WDR41: variants seen among roughly 807,000 people sequenced by gnomAD.
WDR41 encodes the protein WD repeat domain 41.
In WDR41, 63 loss-of-function variants were observed where a neutral mutation model predicts 69.3. The observed-to-expected ratio is 0.91, with a 90% confidence interval of 0.74 to 1.12. WDR41 has a LOEUF of 1.12. WDR41 is among the 50% of genes most tolerant of loss of function. The probability of loss-of-function intolerance (pLI) is 0.00; values close to 1 mark genes in which losing one functional copy is unlikely to be tolerated. For synonymous variants in WDR41, 185 were observed against 192.1 expected, an observed-to-expected ratio of 0.96 and a Z score of 0.31; for missense variants, 543 against 534.5, an observed-to-expected ratio of 1.02 and a Z score of -0.16.
intron 1 of WDR41, among the ~76,000 whole-genome samples, chr5:77,585,950 T>C (rs776379996): frequency 6.6e-6 from 1 of 152,172 alleles, no homozygotes; most frequent in Non-Finnish European, 1.5e-5. Context: ...ATACCACCTG[T>C]ACCCCAATAA....
At chr5:77,510,464 G>T (rs1802180783) in intron 1 of WDR41, among the ~76,000 whole-genome samples, 1 of 152,122 alleles carries the variant, frequency 6.6e-6, no homozygotes, top group Non-Finnish European at 1.5e-5. Flanking sequence ...AACCAATTAG[G>T]AAATGAGTGC....
At chr5:77,493,125 G>A (rs192852383), upstream of WDR41, among the ~76,000 whole-genome samples, 9 of 152,232 alleles carry the variant, frequency 5.9e-5, no homozygotes, top group Non-Finnish European at 1.0e-4. Flanking sequence ...TTCCACCTCA[G>A]ACTCATTAAA....
intron 1 of WDR41, among the ~76,000 whole-genome samples, chr5:77,602,525 G>C (rs552940967): frequency 2.0e-5 from 3 of 152,102 alleles, no homozygotes; most frequent in South Asian, 4.2e-4. Flanking sequence ...TCAGTACCTG[G>C]CTTATTTCAC....
In WDR41 at chr5:77,545,700, G is replaced by A. The variant is rs944028427; in HGVS notation, c.43-56128C>T. On this transcript the variant is annotated intron_variant, in intron 1 of 5. Transcript: ENST00000509971. ...TCAAGGATGAGGTTTTAAAGGTTAC[G>A]CCAGTGCAGAAGCAGACCCACGCTG... 68 of 490,628 alleles carry A rather than the reference G, an allele frequency of 1.4e-4. No homozygotes were observed. In the Admixed American group the frequency reaches 1.5e-3, roughly 11 times the overall value. The allele number at this position is 490,628 out of a possible 1,614,324, so 30.4% of individuals were successfully genotyped here.
At chr5:77,468,154 C>A (rs1165013258) in intron 2 of WDR41, among the ~76,000 whole-genome samples, 1 of 152,060 alleles carries the variant, frequency 6.6e-6, no homozygotes, top group Non-Finnish European at 1.5e-5. Context: ...TATGGCAGAC[C>A]TCCTAGAATG....
chr5:77,507,034 A>G (rs1166132856), intron 1 of WDR41, among the ~76,000 whole-genome samples: 1 of 152,198 alleles, frequency 6.6e-6, no homozygotes. Context: ...TTAAAGTATA[A>G]TTTTAAAAAA....
At position 77,432,794 on chromosome 5, in the gene WDR41, TA is replaced by T. The variant is rs1798775285; in HGVS notation, c.*340del. The T allele has an allele frequency of 5.8e-6, 1 of 172,362 alleles. No homozygotes were observed. The highest frequency in any genetic ancestry group is 1.6e-4 in the East Asian group (1 of 6,262). 10.7% of individuals were successfully genotyped at this position (172,362 alleles called of 1,614,324 possible). On this transcript the variant is annotated 3_prime_UTR_variant, in exon 13 of 13. Transcript: ENST00000296679. Reference sequence around the variant, plus strand: ...CACAATAATTCTAAAGGAAGCCAAATAATAAAACTTCTAATAAATGCCATAA... The same window carrying T: ...CACAATAATTCTAAAGGAAGCCAAATATAAAACTTCTAATAAATGCCATAA...
chr5:77,443,525 G>T (rs1047649436), intron 8 of WDR41, among the ~76,000 whole-genome samples: 2 of 152,110 alleles, frequency 1.3e-5, no homozygotes, highest in Non-Finnish European at 2.9e-5. Flanking sequence ...AACTTGCTCT[G>T]TGGAGAAATC....
intron 2 of WDR41, among the ~76,000 whole-genome samples, chr5:77,471,863 G>A (rs1243503021): frequency 6.6e-6 from 1 of 152,160 alleles, no homozygotes; most frequent in Admixed American, 6.5e-5. Context: ...GGAGAAGCTG[G>A]TACCATTCCT....
intron 2 of WDR41, among the ~76,000 whole-genome samples, chr5:77,474,465 A>G (rs1800794283): frequency 6.6e-6 from 1 of 152,196 alleles, no homozygotes; most frequent in African/African-American, 2.4e-5. Flanking sequence ...TTTCATTTAA[A>G]GTATATGTTT....
At chr5:77,590,753 C>T (rs951730329) in intron 1 of WDR41, among the ~76,000 whole-genome samples, 5 of 152,144 alleles carry the variant, frequency 3.3e-5, no homozygotes, top group South Asian at 2.1e-4. Flanking sequence ...TGACAGATGT[C>T]GTGGCAACAA....
chr5:77,600,315 A>G (rs1270166388), intron 1 of WDR41, among the ~76,000 whole-genome samples: 1 of 152,190 alleles, frequency 6.6e-6, no homozygotes, highest in East Asian at 1.9e-4. Flanking sequence ...GAATCTTAAA[A>G]CCTTCATGCT....
At chr5:77,549,000 G>A (rs1210724596) in intron 1 of WDR41, among the ~76,000 whole-genome samples, 1 of 152,120 alleles carries the variant, frequency 6.6e-6, no homozygotes, top group Non-Finnish European at 1.5e-5. Flanking sequence ...GGATGAGATT[G>A]GAGACTATTA....
At chr5:77,570,343 T>G (rs1743713060) in intron 1 of WDR41, among the ~76,000 whole-genome samples, 1 of 151,672 alleles carries the variant, frequency 6.6e-6, no homozygotes, top group Non-Finnish European at 1.5e-5. Flanking sequence ...AAATTATCAT[T>G]ATCATCTAAT....
Position 77,492,255 on chromosome 5 carries a change from C to T in WDR41, c.-35G>A, listed in dbSNP as rs761038348. 4.3e-6 allele frequency: 7 copies of T among 1,610,600 alleles called. No individual in the cohort carries two copies. The highest frequency in any genetic ancestry group is 4.0e-5 in the African/African-American group (3 of 74,874). ...GGCGGCGTCTTGCCCGGTCCAGCCC[C>T]AGTCAGCCCAAACTCCGCCCCAGGC... On this transcript the variant is annotated 5_prime_UTR_variant, in exon 1 of 13. Coordinates refer to ENST00000296679, the MANE Select transcript of WDR41 (RefSeq NM_018268.4).
chr5:77,572,841 T>C (rs969289626), intron 1 of WDR41, among the ~76,000 whole-genome samples: 5 of 152,254 alleles, frequency 3.3e-5, no homozygotes, highest in Admixed American at 2.0e-4. Flanking sequence ...AAGTATTTTA[T>C]TTCATTTTGT....
At chr5:77,554,624 A>C (rs1307458739) in intron 1 of WDR41, among the ~76,000 whole-genome samples, 1 of 149,224 alleles carries the variant, frequency 6.7e-6, no homozygotes, top group African/African-American at 2.4e-5. Context: ...AATTTTTTAT[A>C]ATTTATAATA....
Position 77,431,848 on chromosome 5 carries a change from CA to C in WDR41, c.*1286del, listed in dbSNP as rs1441965674. 1 of 150,050 alleles carries C rather than the reference CA, an allele frequency of 6.7e-6. No individual in the cohort carries two copies. The highest frequency in any genetic ancestry group is 2.5e-5 in the African/African-American group (1 of 40,656). 9.3% of individuals were successfully genotyped at this position (150,050 alleles called of 1,614,324 possible). A position where few individuals can be genotyped will look rare whatever the true frequency, so the allele number is the denominator to read the frequency against. On this transcript the variant is annotated 3_prime_UTR_variant, in exon 13 of 13. Coordinates refer to ENST00000296679, the MANE Select transcript of WDR41 (RefSeq NM_018268.4). ...TTTCTCCATAGAACTTTTCATGACT[CA>C]ATGTTGTTTGGATTTAAAGTAGTCA... is the stretch of plus-strand genomic sequence containing the variant.
chr5:77,585,400 T>C lies in WDR41; in HGVS notation c.42+35079A>G, dbSNP rs185432155. On this transcript the variant is annotated intron_variant, in intron 1 of 5. Coordinates refer to the WDR41 transcript ENST00000509971. ...GGAATGTAAACTAGTACAGCTGCTA[T>C]GGAAAACAGTGTGGAGATTTCTTAA... is the stretch of plus-strand genomic sequence containing the variant. 2.2e-3 allele frequency among the ~76,000 whole-genome samples: 328 copies of C among 152,326 alleles called. 2 individuals are homozygous for C. The highest frequency in any genetic ancestry group is 7.7e-3 in the African/African-American group (318 of 41,566).
Sources: allele counts gnomAD v4.1 joint callset (sites outside exome capture counted in the v4.1 genomes callset), GRCh38; gene constraint gnomAD v4.1.1; transcripts MANE v1.5; gene names NCBI Gene and HGNC (gene_info 2026-07-23, HGNC 2026-07-21).